EBF1: variants seen among roughly 807,000 people sequenced by gnomAD.
EBF1 encodes transcription factor COE1.
In EBF1, 10 loss-of-function variants were observed where a neutral mutation model predicts 68.4. The observed-to-expected ratio is 0.15, with a 90% CI of 0.09 to 0.25. EBF1 has a LOEUF of 0.25. EBF1 is among the 10% of genes least tolerant of loss of function. The pLI is 1.00. For missense variants in EBF1, 509 were observed against 794.4 expected, an observed-to-expected ratio of 0.64 and a Z score of 4.32; for synonymous variants, 298 against 299.8, an observed-to-expected ratio of 0.99 and a Z score of 0.06.
chr5:159,006,962 T>A (rs1270985458), intron 6 of EBF1, among the ~76,000 whole-genome samples: 2 of 152,222 alleles, frequency 1.3e-5, no homozygotes, highest in Non-Finnish European at 2.9e-5. Context: ...CAAAAGAATG[T>A]CACCTTCCTA....
At chr5:158,856,316 G>A (rs1018030284) in intron 6 of EBF1, among the ~76,000 whole-genome samples, 2 of 152,194 alleles carry the variant, frequency 1.3e-5, no homozygotes, top group Admixed American at 1.3e-4. Flanking sequence ...CGCTGAGAGT[G>A]TTTTGAGTGT....
chr5:158,891,412 AT>A (rs759651103), intron 6 of EBF1, among the ~76,000 whole-genome samples: 4 of 151,936 alleles, frequency 2.6e-5, no homozygotes, highest in Non-Finnish European at 5.9e-5. Flanking sequence ...ATATATGTGT[AT>A]TTTTCCCCTA....
intron 15 of EBF1, chr5:158,707,525 C>A (rs1055203384): frequency 5.0e-5 from 12 of 238,284 alleles, no homozygotes; most frequent in Non-Finnish European, 1.0e-4. Context: ...CACACACGTT[C>A]ACTCTGACAC....
intron 6 of EBF1, among the ~76,000 whole-genome samples, chr5:158,906,594 T>C (rs1344654666): frequency 6.6e-6 from 1 of 152,192 alleles, no homozygotes; most frequent in Non-Finnish European, 1.5e-5. Flanking sequence ...CTGTACTTGG[T>C]CTTACTGAAT....
At position 158,697,923 on chromosome 5, in the gene EBF1, CTA is replaced by C. The variant is rs1756004461; in HGVS notation, c.*1186_*1187del. The stretch of plus-strand genomic sequence containing the variant: ...GCAAAAATTCCCATAGAACAGAAAA[CTA>C]TGTTTTGGAGGTCTCAACCTTCTTT... On this transcript the variant is annotated 3_prime_UTR_variant, in exon 16 of 16. Transcript: ENST00000313708. 2 of 209,256 alleles carry C rather than the reference CTA, an allele frequency of 9.6e-6. No individual in the cohort carries two copies. Among genetic ancestry groups the C allele is most frequent in the Non-Finnish European group, 1.9e-5 (2 of 102,896 alleles). 13.0% of individuals were successfully genotyped at this position (209,256 alleles called of 1,614,324 possible).
intron 6 of EBF1, among the ~76,000 whole-genome samples, chr5:158,887,404 C>T (rs1036118823): frequency 3.3e-5 from 5 of 152,174 alleles, no homozygotes; most frequent in Admixed American, 1.3e-4. Context: ...TCAATGTATA[C>T]GTCCTTTCTT....
chr5:158,707,672 A>G (rs983208365), intron 15 of EBF1: 1 of 362,636 alleles, frequency 2.8e-6, no homozygotes, highest in Non-Finnish European at 5.1e-6. Flanking sequence ...AAAGAGGAGA[A>G]AAGAGAAATG....
chr5:159,021,644 A>G (rs1468500937), intron 6 of EBF1, among the ~76,000 whole-genome samples: 7 of 152,256 alleles, frequency 4.6e-5, no homozygotes, highest in Non-Finnish European at 8.8e-5. Flanking sequence ...CTCTAAGCCA[A>G]GTTTAATCAA....
At chr5:158,775,150 T>C (rs1361385871) in intron 10 of EBF1, among the ~76,000 whole-genome samples, 1 of 152,068 alleles carries the variant, frequency 6.6e-6, no homozygotes, top group Admixed American at 6.6e-5. Context: ...TCCAACACTT[T>C]TTTCTTAATT....
At chr5:158,975,974 T>C (rs531182692) in intron 6 of EBF1, among the ~76,000 whole-genome samples, 1 of 152,276 alleles carries the variant, frequency 6.6e-6, no homozygotes, top group Admixed American at 6.5e-5. Context: ...TGAAACGAGG[T>C]GATTTCCTTT....
intron 6 of EBF1, among the ~76,000 whole-genome samples, chr5:158,988,612 G>T (rs1478654824): frequency 6.6e-6 from 1 of 152,202 alleles, no homozygotes; most frequent in African/African-American, 2.4e-5. Flanking sequence ...GAAGGGAGGA[G>T]TTGAGGGGAT....
chr5:159,022,419 G>A (rs538757898), intron 6 of EBF1, among the ~76,000 whole-genome samples: 8 of 152,300 alleles, frequency 5.3e-5, no homozygotes, highest in Non-Finnish European at 7.4e-5. Context: ...GGTAAAGTGC[G>A]CGGGCAGGCT....
intron 6 of EBF1, among the ~76,000 whole-genome samples, chr5:158,962,768 A>C (rs76241417): frequency 0.015 from 2,315 of 152,310 alleles, 68 homozygotes; most frequent in African/African-American, 0.053. Flanking sequence ...CTAAAAAGGT[A>C]TAGGACTTCG....
chr5:158,869,429 C>T (rs1341852925), intron 6 of EBF1, among the ~76,000 whole-genome samples: 1 of 152,152 alleles, frequency 6.6e-6, no homozygotes, highest in Non-Finnish European at 1.5e-5. Flanking sequence ...TCTGTGGGGT[C>T]ACAGGAGGGA....
chr5:158,712,933 TAA>T (rs1759755977), intron 13 of EBF1, 35 bp downstream of exon 13: 1 of 1,397,096 alleles, frequency 7.2e-7, no homozygotes, highest in Non-Finnish European at 9.4e-7. Flanking sequence ...ATGGGGTGCT[TAA>T]GGTTGGGGAG....
At chr5:158,982,204 T>C (rs1165899168) in intron 6 of EBF1, among the ~76,000 whole-genome samples, 1 of 152,238 alleles carries the variant, frequency 6.6e-6, no homozygotes, top group Non-Finnish European at 1.5e-5. Context: ...CTAGGTCAAA[T>C]AGATAAATGC....
intron 8 of EBF1, among the ~76,000 whole-genome samples, chr5:158,819,419 T>A (rs976697653): frequency 1.3e-5 from 2 of 152,174 alleles, no homozygotes; most frequent in Non-Finnish European, 2.9e-5. Context: ...TGCACCACAG[T>A]GTTGTGAGGG....
intron 14 of EBF1, among the ~76,000 whole-genome samples, chr5:158,708,520 T>C (rs1758416499): frequency 2.0e-5 from 3 of 152,176 alleles, no homozygotes. Context: ...AGTGCCTTTA[T>C]GGGGCAGAAC....
intron 6 of EBF1, among the ~76,000 whole-genome samples, chr5:158,936,227 A>T (rs549174689): frequency 5.1e-4 from 78 of 152,342 alleles, no homozygotes; most frequent in South Asian, 1.5e-3. Flanking sequence ...CTTGTGAACC[A>T]TATTTCCTGC....
Sources: allele counts gnomAD v4.1 joint callset (sites outside exome capture counted in the v4.1 genomes callset), GRCh38; gene constraint gnomAD v4.1.1; transcripts MANE v1.5; gene names NCBI Gene and HGNC (gene_info 2026-07-23, HGNC 2026-07-21).